Variants in STXBP5L observed in about 807,000 individuals in gnomAD.
STXBP5L encodes syntaxin-binding protein 5-like.
Under a neutral mutation model 144.5 loss-of-function variants are expected in STXBP5L, and 65 were observed. That is an observed-to-expected ratio of 0.45 (90% confidence interval 0.37 to 0.55). The LOEUF (loss-of-function observed/expected upper bound fraction) is 0.55. Among genes scored for constraint, STXBP5L ranks in the 20% least tolerant of loss-of-function variants. STXBP5L has a pLI of 0.00. For synonymous variants in STXBP5L, 505 were observed against 469.6 expected, an observed-to-expected ratio of 1.08 and a Z score of -0.97; for missense variants, 1,298 against 1,405.5, an observed-to-expected ratio of 0.92 and a Z score of 1.22.
At chr3:121,196,264 A>G (rs1468218765) in intron 9 of STXBP5L, among the ~76,000 whole-genome samples, 2 of 151,442 alleles carry the variant, frequency 1.3e-5, no homozygotes, top group South Asian at 2.1e-4. Flanking sequence ...GGTTCAAGCA[A>G]TTCTCCTGCC....
rs114957815 is a variant in STXBP5L, at chr3:120,943,849, A to G, written c.190-11091A>G. On this transcript the variant is annotated intron_variant, in intron 2 of 26. Transcript: ENST00000471454. ...TTCTTTTTTTTTTTTAAACTGGATC[A>G]TTAGTATCTTATATAGTTTATTTTT... Among the ~76,000 whole-genome samples the G allele has an allele frequency of 5.0e-3, 752 of 149,814 alleles. 8 individuals are homozygous for G. Among genetic ancestry groups the G allele is most frequent in the African/African-American group, 0.017 (708 of 40,900 alleles).
chr3:121,165,282 C>A (rs1238834153), intron 9 of STXBP5L, among the ~76,000 whole-genome samples: 1 of 152,100 alleles, frequency 6.6e-6, no homozygotes, highest in Non-Finnish European at 1.5e-5. Context: ...TCTCTGAATG[C>A]CTCCATTACA....
intron 3 of STXBP5L, among the ~76,000 whole-genome samples, chr3:121,039,321 C>A (rs926151099): frequency 1.3e-5 from 2 of 151,712 alleles, no homozygotes; most frequent in African/African-American, 4.8e-5. Context: ...TATAAATTTA[C>A]CTTCAATTAA....
At chr3:121,252,528 T>C (rs889976934) in intron 15 of STXBP5L, among the ~76,000 whole-genome samples, 22 of 152,210 alleles carry the variant, frequency 1.4e-4, no homozygotes, top group Non-Finnish European at 2.9e-4. Context: ...GAATATAAAT[T>C]GCAAATGATT....
At chr3:120,961,985 A>G (rs1319325337) in intron 3 of STXBP5L, among the ~76,000 whole-genome samples, 1 of 152,194 alleles carries the variant, frequency 6.6e-6, no homozygotes, top group Non-Finnish European at 1.5e-5. Flanking sequence ...ATGAGATGGT[A>G]TCTCATTGTG....
At chr3:120,999,495 G>A (rs752569507) in intron 3 of STXBP5L, among the ~76,000 whole-genome samples, 12 of 152,228 alleles carry the variant, frequency 7.9e-5, no homozygotes, top group Non-Finnish European at 1.8e-4. Context: ...CTCGAAGACA[G>A]CGTACAGTTG....
At chr3:121,387,248 G>A (rs540288820) in intron 22 of STXBP5L, among the ~76,000 whole-genome samples, 1 of 152,176 alleles carries the variant, frequency 6.6e-6, no homozygotes, top group South Asian at 2.1e-4. Flanking sequence ...TTTTTGATGG[G>A]GTTGCTTGGT....
chr3:121,318,378 T>TAAA (rs377330916), intron 19 of STXBP5L, 97 bp from the exon 20 acceptor site: 1 of 761,624 alleles, frequency 1.3e-6, no homozygotes, highest in Non-Finnish European at 2.0e-6. Context: ...AGTTTTCACA[T>TAAA]AAAAAAAAGC....
intron 2 of STXBP5L, among the ~76,000 whole-genome samples, chr3:120,953,100 C>G (rs994521446): frequency 6.6e-6 from 1 of 151,376 alleles, no homozygotes; most frequent in Non-Finnish European, 1.5e-5. Flanking sequence ...GCACCCAGCC[C>G]ATTTTCCATA....
chr3:120,983,689 G>T (rs896679552), intron 3 of STXBP5L, among the ~76,000 whole-genome samples: 10 of 152,228 alleles, frequency 6.6e-5, no homozygotes, highest in Non-Finnish European at 8.8e-5. Flanking sequence ...TTATAGGAGT[G>T]TGGAGCCCTA....
chr3:121,178,604 T>C (rs571147242), intron 9 of STXBP5L, among the ~76,000 whole-genome samples: 1 of 152,186 alleles, frequency 6.6e-6, no homozygotes, highest in South Asian at 2.1e-4. Flanking sequence ...GTTTGCAGAG[T>C]GTGAGATGGG....
intron 9 of STXBP5L, among the ~76,000 whole-genome samples, chr3:121,190,722 G>A (rs1348969152): frequency 2.0e-5 from 3 of 151,744 alleles, no homozygotes; most frequent in Non-Finnish European, 4.4e-5. Flanking sequence ...GCCGGGCGGG[G>A]GCTGCCCCCC....
chr3:121,273,167 G>C (rs1381291958), intron 18 of STXBP5L, among the ~76,000 whole-genome samples: 2 of 151,966 alleles, frequency 1.3e-5, no homozygotes, highest in African/African-American at 4.8e-5. Flanking sequence ...CTTAATTTAA[G>C]ATCCCTTTAG....
At chr3:121,134,445 T>G (rs1160400782) in intron 7 of STXBP5L, among the ~76,000 whole-genome samples, 1 of 152,142 alleles carries the variant, frequency 6.6e-6, no homozygotes, top group Non-Finnish European at 1.5e-5. Flanking sequence ...AGGGTACATG[T>G]GCGCAATGTG....
intron 3 of STXBP5L, among the ~76,000 whole-genome samples, chr3:120,957,711 G>A (rs1182199027): frequency 1.3e-5 from 2 of 152,070 alleles, no homozygotes; most frequent in African/African-American, 2.4e-5. Context: ...TGAAACCAAC[G>A]AGAACAAAGA....
intron 22 of STXBP5L, among the ~76,000 whole-genome samples, chr3:121,386,629 A>G (rs947524087): frequency 5.3e-5 from 8 of 151,596 alleles, no homozygotes; most frequent in Non-Finnish European, 1.2e-4. Context: ...TTCAATTCCC[A>G]CCTATGAGTG....
chr3:121,226,885 G>A (rs1467853604), intron 11 of STXBP5L, among the ~76,000 whole-genome samples: 1 of 152,114 alleles, frequency 6.6e-6, no homozygotes, highest in Admixed American at 6.6e-5. Flanking sequence ...ATAGTCTTAA[G>A]GTTCTTGGGC....
At position 121,422,049 on chromosome 3, in the gene STXBP5L, G is replaced by A. The variant is rs1373069782; in HGVS notation, c.*2952G>A. 1.3e-5 allele frequency: 2 copies of A among 152,100 alleles called. No individual in the cohort carries two copies. Among genetic ancestry groups the A allele is most frequent in the Non-Finnish European group, 2.9e-5 (2 of 67,986 alleles). 9.4% of individuals were successfully genotyped at this position (152,100 alleles called of 1,614,324 possible). A position where few individuals can be genotyped will look rare whatever the true frequency, so the allele number is the denominator to read the frequency against. Reference sequence around the variant, plus strand: ...GCAATAAGAAGAATCTAATGTGGATGTGATTTTTCTCTTTGAACAATTCTG... The same window carrying A: ...GCAATAAGAAGAATCTAATGTGGATATGATTTTTCTCTTTGAACAATTCTG... On this transcript the variant is annotated 3_prime_UTR_variant, in exon 27 of 27. Coordinates refer to ENST00000471454, the MANE Select transcript of STXBP5L (RefSeq NM_001308330.2).
intron 20 of STXBP5L, among the ~76,000 whole-genome samples, chr3:121,351,534 G>T (rs1272699157): frequency 6.6e-6 from 1 of 152,086 alleles, no homozygotes; most frequent in Admixed American, 6.6e-5. Context: ...TTTTGATGGG[G>T]TTGTTTGTTT....
Sources: allele counts gnomAD v4.1 joint callset (sites outside exome capture counted in the v4.1 genomes callset), GRCh38; gene constraint gnomAD v4.1.1; transcripts MANE v1.5; gene names NCBI Gene and HGNC (gene_info 2026-07-23, HGNC 2026-07-21).